PCSK5: variants seen among roughly 807,000 people sequenced by gnomAD.
The protein encoded by PCSK5 is prohormone convertase 5.
PCSK5 carries 129 observed loss-of-function variants against 233.2 expected under a neutral mutation model. The ratio of observed to expected loss-of-function variants is 0.55; its 90% CI spans 0.48 to 0.64. The LOEUF is 0.64. Ranked by LOEUF, PCSK5 falls within the 30% of genes least tolerant of loss-of-function variation. The pLI, the probability that PCSK5 is intolerant of heterozygous loss-of-function variation, is 0.00. For synonymous variants in PCSK5, 825 were observed against 879.2 expected (o/e 0.94, Z 1.09); for missense variants, 2,076 against 2,430.1 (o/e 0.85, Z 3.06).
intron 24 of PCSK5, among the ~76,000 whole-genome samples, chr9:76,276,265 T>G (rs1429049152): frequency 6.6e-6 from 1 of 152,190 alleles, no homozygotes; most frequent in Non-Finnish European, 1.5e-5. Flanking sequence ...TTCTTGAGTG[T>G]GTTACATAGA....
intron 24 of PCSK5, among the ~76,000 whole-genome samples, chr9:76,252,073 CT>C (rs1356089615): frequency 6.6e-6 from 1 of 152,086 alleles, no homozygotes; most frequent in Non-Finnish European, 1.5e-5. Context: ...CGAGACCATC[CT>C]CGCTAACACG....
At chr9:75,931,588 A>AT (rs1182975146) in intron 1 of PCSK5, among the ~76,000 whole-genome samples, 1 of 152,150 alleles carries the variant, frequency 6.6e-6, no homozygotes, top group African/African-American at 2.4e-5. Flanking sequence ...ACATTTTATA[A>AT]TTTGCTGAGA....
Position 76,321,489 on chromosome 9 carries a change from G to T in PCSK5, c.3952G>T (p.Ala1318Ser), listed in dbSNP as rs77502423. The part of the protein sequence containing the change: ...SSPCRTCEGN[A>S]TNCHSCEGGH... ...TCCTTGCAGAACATGTGAAGGAAAC[G>T]CCACCAACTGCCATTCTTGTGAAGG... The change falls in exon 31 of 38, where the codon GCC becomes TCC. Residue 1318 changes from alanine (A) to serine (S), a missense_variant. Coordinates refer to ENST00000674117, the MANE Select transcript of PCSK5 (RefSeq NM_001372043.1). The T allele has an allele frequency of 1.2e-6, 2 of 1,612,152 alleles. No homozygotes were observed. Among genetic ancestry groups the T allele is most frequent in the Admixed American group, 1.7e-5 (1 of 60,008 alleles).
chr9:75,976,716 C>A (rs956293424), intron 2 of PCSK5, among the ~76,000 whole-genome samples: 12 of 150,536 alleles, frequency 8.0e-5, no homozygotes, highest in African/African-American at 2.7e-4. Context: ...ATACTTTATT[C>A]AATATTTATG....
chr9:76,182,227 CATTCAGGCTGCTCTTTTCTGCAT>C (rs1823904192), intron 16 of PCSK5, among the ~76,000 whole-genome samples: 1 of 152,208 alleles, frequency 6.6e-6, no homozygotes, highest in Non-Finnish European at 1.5e-5. Flanking sequence ...CTAAGGACAA[CATTCAGGCTGCTCTTTTCTGCAT>C]ACTGACCAAA....
At chr9:75,896,178 A>G (rs1415876972) in intron 1 of PCSK5, among the ~76,000 whole-genome samples, 1 of 152,172 alleles carries the variant, frequency 6.6e-6, no homozygotes, top group Non-Finnish European at 1.5e-5. Context: ...AAATGAAGGG[A>G]TAGTAGGGGA....
chr9:76,299,143 A>G (rs1828531532), intron 27 of PCSK5, among the ~76,000 whole-genome samples: 1 of 152,196 alleles, frequency 6.6e-6, no homozygotes, highest in Non-Finnish European at 1.5e-5. Flanking sequence ...CCAACTGCCA[A>G]CAAAGTGGGA....
rs1829391105 is a variant in PCSK5, at chr9:76,046,328, C to A, written c.632+19291C>A. ...AAGTAGCTGGGATTACAGGCGCGCG[C>A]CGCTATGCCCAGCTAATTTTTGTAT... is the stretch of plus-strand genomic sequence containing the variant. On this transcript the variant is annotated intron_variant, in intron 5 of 37. Coordinates refer to ENST00000674117, the MANE Select transcript of PCSK5 (RefSeq NM_001372043.1). Among the ~76,000 whole-genome samples the A allele has an allele frequency of 2.7e-5, 4 of 150,552 alleles. No individual in the cohort carries two copies. In the South Asian group the frequency reaches 8.3e-4, roughly 31 times the overall value.
At chr9:76,007,403 A>AT (rs1432239382) in intron 3 of PCSK5, among the ~76,000 whole-genome samples, 3 of 152,130 alleles carry the variant, frequency 2.0e-5, no homozygotes, top group Non-Finnish European at 4.4e-5. Context: ...ACTAGTCTCC[A>AT]TTCATTTTGA....
chr9:76,086,351 C>T (rs1259896110), intron 7 of PCSK5, among the ~76,000 whole-genome samples: 2 of 152,152 alleles, frequency 1.3e-5, no homozygotes, highest in Non-Finnish European at 2.9e-5. Flanking sequence ...ACCTAGTCTG[C>T]CTGCCCCTCT....
At chr9:76,318,944 C>A (rs903826312) in intron 30 of PCSK5, among the ~76,000 whole-genome samples, 2 of 152,078 alleles carry the variant, frequency 1.3e-5, no homozygotes, top group Admixed American at 6.5e-5. Context: ...CTAAACTATA[C>A]ACAAATTAAC....
At chr9:76,152,043 C>T (rs753923896) in intron 10 of PCSK5, among the ~76,000 whole-genome samples, 18 of 152,152 alleles carry the variant, frequency 1.2e-4, no homozygotes, top group African/African-American at 3.9e-4. Flanking sequence ...TCTAATTTAT[C>T]GGCCACGTTT....
chr9:76,204,495 T>C (rs1224433776), intron 20 of PCSK5, among the ~76,000 whole-genome samples: 2 of 151,646 alleles, frequency 1.3e-5, no homozygotes, highest in Non-Finnish European at 2.9e-5. Context: ...TCTCCTCTAC[T>C]CTCTCCCCCC....
intron 1 of PCSK5, among the ~76,000 whole-genome samples, chr9:75,918,418 A>T (rs554222312): frequency 1.3e-5 from 2 of 152,348 alleles, no homozygotes; most frequent in East Asian, 3.9e-4. Flanking sequence ...AGGCTCATTG[A>T]TGCCAATGCT....
chr9:76,024,690 T>C (rs1166682974), intron 4 of PCSK5, among the ~76,000 whole-genome samples: 2 of 152,242 alleles, frequency 1.3e-5, no homozygotes, highest in African/African-American at 4.8e-5. Flanking sequence ...CCGTCTTTTA[T>C]GTTTGTCATT....
chr9:76,179,502 A>G (rs1564085084), intron 14 of PCSK5, 94 bp from the exon 15 acceptor site: 1 of 827,870 alleles, frequency 1.2e-6, no homozygotes, highest in Non-Finnish European at 1.9e-6. Flanking sequence ...CTGCATAAGA[A>G]AAAAAAAAGT....
intron 24 of PCSK5, among the ~76,000 whole-genome samples, chr9:76,265,303 G>A (rs528799276): frequency 1.3e-5 from 2 of 151,954 alleles, no homozygotes; most frequent in South Asian, 4.1e-4. Flanking sequence ...TAACTACTGG[G>A]TACTAAGTTC....
intron 24 of PCSK5, among the ~76,000 whole-genome samples, chr9:76,267,937 A>T (rs1024520627): frequency 4.2e-5 from 6 of 141,206 alleles, no homozygotes; most frequent in African/African-American, 1.3e-4. Context: ...ATGCACACAC[A>T]TGCTTATGGG....
rs11407417 is a variant in PCSK5 at position 76,296,878 on chromosome 9, C to CA, written c.3523+19dup. ...AAATTCTGGAATGGTATGTGCCCCC[C>CA]AAAAAAGAGGTCACAGGGGTCTAGC... is the stretch of plus-strand genomic sequence containing the variant. On this transcript the variant is annotated intron_variant, in intron 27 of 37. Coordinates refer to ENST00000674117, the MANE Select transcript of PCSK5 (RefSeq NM_001372043.1). The CA allele has an allele frequency of 0.25, 396,560 of 1,583,240 alleles. 52,833 individuals are homozygous for CA. The highest frequency in any genetic ancestry group is 0.5 in the Admixed American group (29,448 of 59,458).
Sources: allele counts gnomAD v4.1 joint callset (sites outside exome capture counted in the v4.1 genomes callset), GRCh38; gene constraint gnomAD v4.1.1; transcripts MANE v1.5; gene names NCBI Gene and HGNC (gene_info 2026-07-23, HGNC 2026-07-21).